PCDH15: variants seen among roughly 807,000 people sequenced by gnomAD.
PCDH15 encodes protocadherin related 15.
Under a neutral mutation model 178.5 loss-of-function variants are expected in PCDH15, and 129 were observed. The ratio of observed to expected loss-of-function variants is 0.72; its 90% CI spans 0.63 to 0.84. PCDH15 has a LOEUF of 0.84. Ranked by LOEUF, PCDH15 falls within the 40% of genes least tolerant of loss-of-function variation. The pLI, the probability that PCDH15 is intolerant of heterozygous loss-of-function variation, is 0.00. For synonymous variants in PCDH15, 800 were observed against 732.0 expected, an observed-to-expected ratio of 1.09 and a Z score of -1.50; for missense variants, 2,230 against 2,099.9, an observed-to-expected ratio of 1.06 and a Z score of -1.21.
chr10:54,627,918 G>T (rs1009327937), intron 2 of PCDH15, among the ~76,000 whole-genome samples: 3 of 152,182 alleles, frequency 2.0e-5, no homozygotes, highest in African/African-American at 7.2e-5. Flanking sequence ...CAAGGAGAGA[G>T]TCTTTGCCAT....
intron 2 of PCDH15, among the ~76,000 whole-genome samples, chr10:55,045,395 G>A (rs1017761075): frequency 4.6e-5 from 7 of 151,982 alleles, no homozygotes; most frequent in African/African-American, 1.4e-4. Context: ...ATCTATAATT[G>A]AAAATCAAAT....
intron 2 of PCDH15, among the ~76,000 whole-genome samples, chr10:55,154,086 C>T (rs564034579): frequency 6.6e-6 from 1 of 152,122 alleles, no homozygotes; most frequent in East Asian, 1.9e-4. Context: ...TATTATACAG[C>T]CTAATTTCTG....
At chr10:54,331,450 T>C (rs910171656) in intron 6 of PCDH15, among the ~76,000 whole-genome samples, 1 of 151,904 alleles carries the variant, frequency 6.6e-6, no homozygotes, top group African/African-American at 2.4e-5. Flanking sequence ...ATACAGAAAA[T>C]GAAAATGAAC....
At chr10:55,355,208 A>G (rs1293898923) in intron 2 of PCDH15, among the ~76,000 whole-genome samples, 1 of 152,064 alleles carries the variant, frequency 6.6e-6, no homozygotes, top group Non-Finnish European at 1.5e-5. Context: ...TAGAGCTGCT[A>G]CAAACATTTG....
chr10:55,404,498 GT>G (rs1444726308), intron 2 of PCDH15, among the ~76,000 whole-genome samples: 1 of 151,778 alleles, frequency 6.6e-6, no homozygotes, highest in African/African-American at 2.4e-5. Context: ...TTTTCTTACA[GT>G]TTTATATATA....
chr10:55,429,545 T>C (rs1288493820), intron 2 of PCDH15, among the ~76,000 whole-genome samples: 1 of 152,168 alleles, frequency 6.6e-6, no homozygotes, highest in Non-Finnish European at 1.5e-5. Context: ...AGGAATTAAA[T>C]TATTTTCATA....
intron 2 of PCDH15, among the ~76,000 whole-genome samples, chr10:55,616,781 T>C (rs1843488072): frequency 6.6e-6 from 1 of 152,114 alleles, no homozygotes; most frequent in African/African-American, 2.4e-5. Flanking sequence ...TTAGCACTGG[T>C]TGATATTTGG....
intron 3 of PCDH15, among the ~76,000 whole-genome samples, chr10:54,402,507 G>A (rs113518452): frequency 0.026 from 3,983 of 151,726 alleles, 164 homozygotes; most frequent in African/African-American, 0.089. Flanking sequence ...CCATAAATAC[G>A]GCATTTTTTT....
chr10:54,617,857 A>T lies in PCDH15; in HGVS notation c.91+46315T>A, dbSNP rs1445742833. Among the ~76,000 whole-genome samples the T allele has an allele frequency of 2.0e-5, 3 of 151,084 alleles. No individual in the cohort carries two copies. In the East Asian group the frequency reaches 5.9e-4, roughly 30 times the overall value. ...AGAGAATTTCTTGAACCCGGGAGGC[A>T]GAGATCGCACTGAGCTGAGATCGCC... On this transcript the variant is annotated intron_variant, in intron 2 of 37. Coordinates refer to ENST00000644397, the MANE Select transcript of PCDH15 (RefSeq NM_001384140.1).
chr10:54,263,882 G>A (rs1050551122), intron 8 of PCDH15, among the ~76,000 whole-genome samples: 1 of 152,218 alleles, frequency 6.6e-6, no homozygotes. Flanking sequence ...TCTCAATCTG[G>A]GTGGGCACCA....
chr10:55,376,990 A>T (rs1449828071), intron 2 of PCDH15, among the ~76,000 whole-genome samples: 6 of 152,018 alleles, frequency 3.9e-5, no homozygotes, highest in Non-Finnish European at 7.4e-5. Flanking sequence ...GTCATATTTT[A>T]AAAGGAACAC....
intron 2 of PCDH15, among the ~76,000 whole-genome samples, chr10:55,596,833 C>T (rs1424082707): frequency 6.6e-6 from 1 of 151,836 alleles, no homozygotes; most frequent in Admixed American, 6.6e-5. Flanking sequence ...AAAAATAAAT[C>T]TTTTAACTAT....
intron 2 of PCDH15, among the ~76,000 whole-genome samples, chr10:55,101,396 A>C (rs1842572838): frequency 7.2e-6 from 1 of 138,962 alleles, no homozygotes; most frequent in African/African-American, 2.9e-5. Context: ...CTCAAAATAA[A>C]AAAAAAAAAC....
intron 18 of PCDH15, among the ~76,000 whole-genome samples, chr10:54,054,838 T>G (rs1430445248): frequency 6.6e-6 from 1 of 152,098 alleles, no homozygotes; most frequent in Non-Finnish European, 1.5e-5. Flanking sequence ...TTTATCAGAA[T>G]GAGTTACAGG....
At chr10:54,481,791 C>T (rs561884978) in intron 3 of PCDH15, among the ~76,000 whole-genome samples, 2 of 151,832 alleles carry the variant, frequency 1.3e-5, no homozygotes, top group Admixed American at 6.6e-5. Context: ...TATCCTATTT[C>T]TCTTTTATTT....
intron 4 of PCDH15, among the ~76,000 whole-genome samples, chr10:54,376,019 A>AGC (rs1487038635): frequency 6.6e-6 from 1 of 151,222 alleles, no homozygotes. Context: ...CTCAGCCTCT[A>AGC]CAGTAGCTGG....
chr10:54,502,570 CTG>C (rs1471384149), intron 3 of PCDH15, among the ~76,000 whole-genome samples: 1 of 152,084 alleles, frequency 6.6e-6, no homozygotes, highest in Non-Finnish European at 1.5e-5. Flanking sequence ...GTGTTCTACA[CTG>C]TGTCTCTACA....
At chr10:54,296,265 G>T (rs2059780928) in intron 8 of PCDH15, among the ~76,000 whole-genome samples, 1 of 151,106 alleles carries the variant, frequency 6.6e-6, no homozygotes, top group African/African-American at 2.4e-5. Flanking sequence ...TGGAAGCATT[G>T]ATTTGCCTGG....
chr10:54,270,556 T>G lies in PCDH15; in HGVS notation c.877-33625A>C, dbSNP rs182357443. 5.2e-3 allele frequency among the ~76,000 whole-genome samples: 794 copies of G among 152,320 alleles called. 1 individual carries two copies. The highest frequency in any genetic ancestry group is 9.1e-3 in the Non-Finnish European group (616 of 68,022). ...CTCTCAAAACTTCTTCAGCGTATCC[T>G]CATTGTTGTTTGTTTGCTTGCTTGC... On this transcript the variant is annotated intron_variant, in intron 8 of 37. Coordinates refer to ENST00000644397, the MANE Select transcript of PCDH15 (RefSeq NM_001384140.1).
Sources: gnomAD v4.1 joint callset for allele counts (sites outside exome capture counted in the v4.1 genomes callset) on GRCh38, gnomAD v4.1.1 for gene constraint, MANE v1.5 for transcripts, NCBI Gene and HGNC (gene_info 2026-07-23, HGNC 2026-07-21) for gene names.